Variants in CACNA1B observed in about 807,000 individuals in gnomAD.
The protein encoded by CACNA1B is voltage-dependent N-type calcium channel subunit alpha-1B.
In CACNA1B, 70 loss-of-function variants were observed where a neutral mutation model predicts 247.2. The ratio of observed to expected loss-of-function variants is 0.28; its 90% CI spans 0.23 to 0.35. The LOEUF is 0.35. Ranked by LOEUF, CACNA1B falls within the 10% of genes least tolerant of loss-of-function variation. The pLI is 1.00. For missense variants in CACNA1B, 2,367 were observed against 3,197.4 expected (o/e 0.74, Z 6.26); for synonymous variants, 1,231 against 1,294.4 (o/e 0.95, Z 1.05).
intron 15 of CACNA1B, among the ~76,000 whole-genome samples, chr9:137,999,146 G>C (rs768991077): frequency 2.0e-5 from 3 of 152,016 alleles, no homozygotes; most frequent in Admixed American, 6.6e-5. Flanking sequence ...GCGAGACCCC[G>C]TATCTACTGA....
intron 6 of CACNA1B, among the ~76,000 whole-genome samples, chr9:137,920,005 C>T (rs1282512260): frequency 1.3e-5 from 2 of 152,128 alleles, no homozygotes; most frequent in Non-Finnish European, 2.9e-5. Flanking sequence ...CATCTCAGGA[C>T]AGCACCGCAC....
chr9:138,072,430 C>T lies in CACNA1B; in HGVS notation c.4675-1058C>T, dbSNP rs771207198. Among the ~76,000 whole-genome samples, 51 of 152,384 alleles carry T rather than the reference C, an allele frequency of 3.3e-4. No individual in the cohort carries two copies. Among genetic ancestry groups the T allele is most frequent in the Non-Finnish European group, 6.0e-4 (41 of 68,036 alleles). ...CTCTGCCAGGCCCTCACCGCCTCTG[C>T]GCCTGCACGTGCTCCTGCTGCTGCT... On this transcript the variant is annotated intron_variant, in intron 32 of 46. Transcript: ENST00000371372. This position sits in a 1 kb window ranked among gnomAD's most constrained non-coding sequence, Gnocchi z 4.5.
Position 138,052,237 on chromosome 9 carries a change from T to G in CACNA1B, c.3807+49T>G. On this transcript the variant is annotated intron_variant, in intron 25 of 46. Transcript: ENST00000371372. The surrounding 1 kb of genome is among the most constrained non-coding windows in gnomAD (Gnocchi z 5.1). ...GAGGGATGTGCTGTGTGTGTGTGCG[T>G]GTGTGTGTGTGCGTGTGTGTGTGTG... The G allele has an allele frequency of 1.1e-6, 1 of 873,328 alleles. No homozygotes were observed. Among genetic ancestry groups the G allele is most frequent in the Non-Finnish European group, 1.8e-6 (1 of 549,904 alleles). 54.1% of individuals were successfully genotyped at this position (873,328 alleles called of 1,614,324 possible).
chr9:137,936,566 C>T (rs1957671390), intron 6 of CACNA1B, among the ~76,000 whole-genome samples: 1 of 152,162 alleles, frequency 6.6e-6, no homozygotes, highest in Non-Finnish European at 1.5e-5. Context: ...TGTCTATGTC[C>T]TGAATGGTAT....
chr9:138,104,645 T>C (rs1205736173), intron 38 of CACNA1B, among the ~76,000 whole-genome samples: 2 of 152,148 alleles, frequency 1.3e-5, no homozygotes, highest in African/African-American at 4.8e-5. Context: ...TTTGGGGCCA[T>C]GATGCTAGGG....
At chr9:138,119,276 C>A (rs2131372513) in intron 44 of CACNA1B, among the ~76,000 whole-genome samples, 1 of 152,280 alleles carries the variant, frequency 6.6e-6, no homozygotes, top group Non-Finnish European at 1.5e-5. Flanking sequence ...GACATGCACA[C>A]TGGATTCAGG....
At chr9:138,096,463 G>T (rs200906230) in intron 36 of CACNA1B, 21 bp from the exon 37 acceptor site, 27 of 1,611,158 alleles carry the variant, frequency 1.7e-5, no homozygotes, top group Middle Eastern at 1.6e-4. Context: ...TCCGTCACCT[G>T]TTCTCCTTCC....
rs534662765 is a variant in CACNA1B at position 138,055,712 on chromosome 9, G to C, written c.3968+1706G>C. The stretch of plus-strand genomic sequence containing the variant: ...AAGATCATTCTTACCCAGTGTAATG[G>C]ATTTTTTAAAAAACAAAAACAAAAC... On this transcript the variant is annotated intron_variant, in intron 26 of 46. Coordinates refer to ENST00000371372, the MANE Select transcript of CACNA1B (RefSeq NM_000718.4). Among the ~76,000 whole-genome samples the C allele has an allele frequency of 4.6e-5, 7 of 152,010 alleles. No individual in the cohort carries two copies. The South Asian group carries it at 1.5e-3, about 32-fold the overall frequency.
chr9:138,003,197 T>A (rs1332016619), intron 15 of CACNA1B, among the ~76,000 whole-genome samples: 2 of 147,718 alleles, frequency 1.4e-5, no homozygotes, highest in African/African-American at 2.5e-5. Context: ...CTTTTTTTTT[T>A]AAATGGAGAT....
Position 138,078,208 on chromosome 9 carries a change from G to C in CACNA1B, c.5044G>C (p.Asp1682His), listed in dbSNP as rs199687995. The C allele has an allele frequency of 1.9e-6, 3 of 1,613,872 alleles. No individual in the cohort carries two copies. The highest frequency in any genetic ancestry group is 2.5e-6 in the Non-Finnish European group (3 of 1,179,862). The change falls in exon 36 of 47, where the codon GAC (aspartate) becomes CAC (histidine). Residue 1682 changes from aspartate (D) to histidine (H), a missense_variant. By Grantham distance (81) the Asp-to-His change is moderately conservative. Coordinates refer to ENST00000371372, the MANE Select transcript of CACNA1B (RefSeq NM_000718.4). ...GGCCAATGCCACCGAGTGTGGAAGTGACTTTGCCTACTTCTACTTCGTCTC... is the reference window on the plus strand; with the variant it reads ...GGCCAATGCCACCGAGTGTGGAAGTCACTTTGCCTACTTCTACTTCGTCTC... ...EQANATECGS[D>H]FAYFYFVSFI... is the part of the protein sequence containing the mutation.
intron 6 of CACNA1B, among the ~76,000 whole-genome samples, chr9:137,947,715 T>A (rs1469035869): frequency 1.3e-5 from 2 of 152,136 alleles, no homozygotes; most frequent in Admixed American, 1.3e-4. Flanking sequence ...GGTATAGGTG[T>A]CTGGGTTGAC....
Position 138,036,653 on chromosome 9 carries a change from A to G in CACNA1B, c.3287-7121A>G, listed in dbSNP as rs58827647. ...GTCATTCGTCTAAATTTTTTTTCCTATGTATGACTGTCTTCTCTCTGGGGC... is the reference window on the plus strand; with the variant it reads ...GTCATTCGTCTAAATTTTTTTTCCTGTGTATGACTGTCTTCTCTCTGGGGC... On this transcript the variant is annotated intron_variant, in intron 20 of 46. Transcript: ENST00000371372. Among the ~76,000 whole-genome samples the G allele has an allele frequency of 2.1e-3, 315 of 152,190 alleles. 3 individuals carry two copies. The highest frequency in any genetic ancestry group is 7.2e-3 in the African/African-American group (300 of 41,534).
rs1040518335 is a variant in CACNA1B, at chr9:138,057,184, G to A, written c.3969-548G>A. On this transcript the variant is annotated intron_variant, in intron 26 of 46. Coordinates refer to ENST00000371372, the MANE Select transcript of CACNA1B (RefSeq NM_000718.4). The surrounding 1 kb of genome is among the most constrained non-coding windows in gnomAD (Gnocchi z 4.0). Reference sequence around the variant, plus strand: ...CATCTCCTGACCTCGTGATCCGCCCGCCTCGGCCTCCCAAAGTGCTGGGAT... The same window carrying A: ...CATCTCCTGACCTCGTGATCCGCCCACCTCGGCCTCCCAAAGTGCTGGGAT... 1.3e-5 allele frequency among the ~76,000 whole-genome samples: 2 copies of A among 151,984 alleles called. No homozygotes were observed. Among genetic ancestry groups the A allele is most frequent in the African/African-American group, 4.8e-5 (2 of 41,404 alleles).
rs202109760 is a variant in CACNA1B at position 138,059,225 on chromosome 9, C to T, written c.4584+36C>T. The stretch of plus-strand genomic sequence containing the variant: ...TGGTCCCTGCTTTGCCTTTTGACAA[C>T]CTATATTCTGGTTCCCCATCTGTAG... On this transcript the variant is annotated intron_variant, in intron 30 of 46. Transcript: ENST00000371372. The surrounding 1 kb of genome is among the most constrained non-coding windows in gnomAD (Gnocchi z 4.2). The T allele has an allele frequency of 1.0e-4, 133 of 1,301,208 alleles. No individual in the cohort carries two copies. The highest frequency in any genetic ancestry group is 1.3e-4 in the Non-Finnish European group (119 of 900,752). 80.6% of individuals were successfully genotyped at this position (1,301,208 alleles called of 1,614,324 possible). A position where few individuals can be genotyped will look rare whatever the true frequency, so the allele number is the denominator to read the frequency against.
Position 138,058,602 on chromosome 9 carries a change from C to G in CACNA1B, c.4342C>G (p.Pro1448Ala), listed in dbSNP as rs201409737. ...ACIDFAISAK[P>A]LTRYMPQNRQ... is the part of the protein sequence containing the mutation. ...CATTGACTTCGCCATCAGCGCCAAA[C>G]CCCTGACACGGTACATGCCCCAAAA... The change falls in exon 29 of 47, where the codon CCC becomes GCC. Residue 1448 changes from proline to alanine, a missense_variant. Transcript: ENST00000371372. This position sits in a 1 kb window ranked among gnomAD's most constrained non-coding sequence, Gnocchi z 4.7. 1 of 1,613,664 alleles carries G rather than the reference C, an allele frequency of 6.2e-7. No homozygotes were observed. Among genetic ancestry groups the G allele is most frequent in the Non-Finnish European group, 8.5e-7 (1 of 1,179,796 alleles).
intron 18 of CACNA1B, chr9:138,017,272 C>T: frequency 2.0e-6 from 1 of 502,142 alleles, no homozygotes; most frequent in South Asian, 1.4e-5. Context: ...TCCTTCCACT[C>T]CTAACTCTGC....
At chr9:137,942,956 C>T (rs1156544840) in intron 6 of CACNA1B, among the ~76,000 whole-genome samples, 1 of 151,930 alleles carries the variant, frequency 6.6e-6, no homozygotes, top group Non-Finnish European at 1.5e-5. Context: ...CCCCAATAAC[C>T]TATGGAAATA....
rs937389577 is a variant in CACNA1B, at chr9:138,007,499, C to G, written c.2092+615C>G. On this transcript the variant is annotated intron_variant, in intron 16 of 46. Transcript: ENST00000371372. The surrounding 1 kb of genome is among the most constrained non-coding windows in gnomAD (Gnocchi z 4.1). ...TTCGTGGTATAGGCAAGGGTGAGGG[C>G]TATGACAGGCAGTGTGAGTGGGTCC... 6.6e-6 allele frequency among the ~76,000 whole-genome samples: 1 copy of G among 152,140 alleles called. No individual in the cohort carries two copies. The highest frequency in any genetic ancestry group is 1.5e-5 in the Non-Finnish European group (1 of 68,020).
chr9:137,915,316 CG>C (rs1957397863), intron 5 of CACNA1B, among the ~76,000 whole-genome samples: 1 of 152,202 alleles, frequency 6.6e-6, no homozygotes, highest in African/African-American at 2.4e-5. Context: ...TCTGATCATT[CG>C]GGCTGCTCCT....
Sources: gnomAD v4.1 joint callset for allele counts (sites outside exome capture counted in the v4.1 genomes callset) on GRCh38, gnomAD v4.1.1 for gene constraint, Gnocchi (gnomAD v3.1) non-coding constraint, MANE v1.5 for transcripts, NCBI Gene and HGNC (gene_info 2026-07-23, HGNC 2026-07-21) for gene names.